IGSF11: variants seen among roughly 807,000 people sequenced by gnomAD.
The protein encoded by IGSF11 is immunoglobulin superfamily member 11, also known as CXADR like 1.
Under a neutral mutation model 41.0 loss-of-function variants are expected in IGSF11, and 22 were observed. That is an observed-to-expected ratio of 0.54 (90% CI 0.38 to 0.77). The LOEUF (loss-of-function observed/expected upper bound fraction) is 0.77, where lower values mean the gene tolerates loss of function less well. IGSF11 is among the 30% of genes least tolerant of loss of function. The probability of loss-of-function intolerance (pLI) is 0.00; values close to 1 mark genes in which losing one functional copy is unlikely to be tolerated. For missense variants in IGSF11, 444 were observed against 530.8 expected, an observed-to-expected ratio of 0.84 and a Z score of 1.61; for synonymous variants, 219 against 201.3, an observed-to-expected ratio of 1.09 and a Z score of -0.74.
chr3:119,030,375 C>T (rs553632672), intron 1 of IGSF11, among the ~76,000 whole-genome samples: 4 of 152,168 alleles, frequency 2.6e-5, no homozygotes, highest in East Asian at 1.9e-4. Flanking sequence ...AATGATGATG[C>T]GGTAGATCAT....
chr3:119,020,131 T>C (rs1230165822), intron 1 of IGSF11, among the ~76,000 whole-genome samples: 1 of 152,206 alleles, frequency 6.6e-6, no homozygotes, highest in Non-Finnish European at 1.5e-5. Flanking sequence ...TAAATTTCTG[T>C]TGTTTATAAG....
intron 1 of IGSF11, among the ~76,000 whole-genome samples, chr3:118,970,753 A>C (rs1315115866): frequency 6.7e-6 from 1 of 148,244 alleles, no homozygotes; most frequent in Admixed American, 6.6e-5. Context: ...AGTTTTACAA[A>C]AAAAAAAAAA....
chr3:118,911,605 C>A (rs1940306310), intron 4 of IGSF11, among the ~76,000 whole-genome samples: 1 of 151,720 alleles, frequency 6.6e-6, no homozygotes, highest in Admixed American at 6.6e-5. Flanking sequence ...GCACTCCAGC[C>A]TGGGTGGGTA....
intron 1 of IGSF11, among the ~76,000 whole-genome samples, chr3:119,110,552 A>C (rs929291242): frequency 9.1e-4 from 139 of 152,280 alleles, no homozygotes; most frequent in African/African-American, 3.2e-3. Context: ...CCAATTTGCC[A>C]GTCTGTGTCT....
intron 1 of IGSF11, chr3:118,945,729 A>C (rs980480230): frequency 6.6e-6 from 1 of 152,188 alleles, no homozygotes; most frequent in South Asian, 2.1e-4. Context: ...TTCTTACCTC[A>C]TATCAGCAAA....
chr3:118,914,245 G>T (rs1940750212), intron 4 of IGSF11, among the ~76,000 whole-genome samples: 1 of 152,130 alleles, frequency 6.6e-6, no homozygotes, highest in African/African-American at 2.4e-5. Flanking sequence ...TAGAAAATCG[G>T]GGAGGAGCCA....
intron 4 of IGSF11, among the ~76,000 whole-genome samples, chr3:118,911,811 A>C (rs1037813626): frequency 7.2e-5 from 11 of 152,146 alleles, no homozygotes; most frequent in African/African-American, 2.4e-4. Context: ...CCTTCCTATC[A>C]GTTTTGGGCA....
chr3:119,070,091 A>G (rs1486268386), intron 1 of IGSF11, among the ~76,000 whole-genome samples: 1 of 152,238 alleles, frequency 6.6e-6, no homozygotes, highest in African/African-American at 2.4e-5. Context: ...ATACATAAGA[A>G]GTGAAGTTGG....
At chr3:119,048,684 G>C (rs1941478985) in intron 1 of IGSF11, among the ~76,000 whole-genome samples, 1 of 151,878 alleles carries the variant, frequency 6.6e-6, no homozygotes, top group Non-Finnish European at 1.5e-5. Context: ...GCCAGGCAGA[G>C]ACACAACAAA....
At position 119,090,929 on chromosome 3, in the gene IGSF11, T is replaced by C. The variant is rs940835400; in HGVS notation, c.49+14215A>G. On this transcript the variant is annotated intron_variant, in intron 1 of 6. Coordinates refer to the IGSF11 transcript ENST00000354673. The stretch of plus-strand genomic sequence containing the variant: ...CTTCTGCACCAACAAAGTAAACAGA[T>C]GGCCTACAGAATGGGAGAAAATATT... 7.2e-5 allele frequency among the ~76,000 whole-genome samples: 11 copies of C among 152,088 alleles called. 1 individual carries two copies. Among genetic ancestry groups the C allele is most frequent in the East Asian group, 3.9e-4 (2 of 5,162 alleles).
intron 1 of IGSF11, among the ~76,000 whole-genome samples, chr3:119,121,593 C>T (rs528480685): frequency 4.6e-5 from 7 of 151,612 alleles, no homozygotes; most frequent in African/African-American, 9.7e-5. Context: ...CCAAGTATAC[C>T]GCATATGCAA....
At chr3:118,960,044 CAAA>C (rs199913346) in intron 1 of IGSF11, among the ~76,000 whole-genome samples, 7 of 81,084 alleles carry the variant, frequency 8.6e-5, no homozygotes, top group Admixed American at 1.3e-4. Context: ...GACTCCGTCT[CAAA>C]AAAAAAAAAA....
intron 4 of IGSF11, among the ~76,000 whole-genome samples, chr3:118,921,430 G>GT (rs1369418694): frequency 6.6e-6 from 1 of 152,130 alleles, no homozygotes; most frequent in Non-Finnish European, 1.5e-5. Flanking sequence ...CATATAAACA[G>GT]TATTAGGAAT....
intron 1 of IGSF11, among the ~76,000 whole-genome samples, chr3:118,982,980 C>T (rs926274999): frequency 1.3e-5 from 2 of 152,210 alleles, no homozygotes; most frequent in Non-Finnish European, 1.5e-5. Flanking sequence ...CCACAATCCA[C>T]ATGGCAAAGG....
chr3:118,958,642 C>T (rs568184261), intron 1 of IGSF11, among the ~76,000 whole-genome samples: 2 of 152,136 alleles, frequency 1.3e-5, no homozygotes, highest in African/African-American at 4.8e-5. Context: ...TGATTGTTTC[C>T]ACCACTAGAA....
intron 1 of IGSF11, among the ~76,000 whole-genome samples, chr3:118,930,665 C>T (rs1942771924): frequency 1.3e-5 from 2 of 152,166 alleles, no homozygotes; most frequent in Admixed American, 6.5e-5. Flanking sequence ...TCTAACAAAT[C>T]ACATAAATCT....
intron 1 of IGSF11, among the ~76,000 whole-genome samples, chr3:119,017,846 G>A (rs1938893603): frequency 7.5e-6 from 1 of 132,816 alleles, no homozygotes; most frequent in Non-Finnish European, 1.6e-5. Context: ...GCAATGGTGT[G>A]ATCTCGGCTC....
chr3:118,918,905 A>C (rs1455779518), intron 4 of IGSF11, among the ~76,000 whole-genome samples: 1 of 90,928 alleles, frequency 1.1e-5, no homozygotes, highest in Non-Finnish European at 1.9e-5. Flanking sequence ...TGGTACCAAA[A>C]CAGAGATATA....
Position 119,001,732 on chromosome 3 carries a change from T to C in IGSF11, c.52+32799A>G, listed in dbSNP as rs977235661. On this transcript the variant is annotated intron_variant, in intron 1 of 6. Coordinates refer to ENST00000393775, the MANE Select transcript of IGSF11 (RefSeq NM_001015887.3). ...TGAGAATATGCAGTGTTTGGTTTTT[T>C]GTTCTTGTGATAGTTTACTGAGAAT... 8.4e-4 allele frequency among the ~76,000 whole-genome samples: 126 copies of C among 150,702 alleles called. 2 individuals are homozygous for C. The highest frequency in any genetic ancestry group is 1.1e-3 in the Non-Finnish European group (73 of 67,786).
Sources: gnomAD v4.1 joint callset for allele counts (sites outside exome capture counted in the v4.1 genomes callset) on GRCh38, gnomAD v4.1.1 for gene constraint, MANE v1.5 for transcripts, NCBI Gene and HGNC (gene_info 2026-07-23, HGNC 2026-07-21) for gene names.